Variants in CHST4 observed in about 807,000 individuals in gnomAD.
CHST4 encodes the protein GST-3.
For synonymous variants in CHST4, 171 were observed against 195.5 expected (o/e 0.87, Z 1.05); for missense variants, 466 against 506.0 (o/e 0.92, Z 0.76).
chr16:71,527,022 GT>G (rs112644237), intron 1 of CHST4, among the ~76,000 whole-genome samples: 4 of 152,152 alleles, frequency 2.6e-5, no homozygotes, highest in African/African-American at 9.7e-5. Flanking sequence ...TTAAAGTTTA[GT>G]TTATTTATTC....
chr16:71,532,239 G>A (rs2043954395), intron 1 of CHST4, among the ~76,000 whole-genome samples: 2 of 151,998 alleles, frequency 1.3e-5, no homozygotes, highest in Admixed American at 1.3e-4. Flanking sequence ...AGTAGAGACG[G>A]GGTTTCACCG....
In CHST4 at chr16:71,536,978, GTCT is replaced by G; in HGVS notation, c.306_308del (p.Phe102del). ...GGCTGTGCGGGATCTGATACGGGCC[GTCT>G]TCTTGTGCGACATGAGCGTCTTTGA... On this transcript the variant is annotated inframe_deletion, in exon 2 of 2. Coordinates refer to ENST00000539698, the MANE Select transcript of CHST4 (RefSeq NM_001166395.2). 1 of 1,613,952 alleles carries G rather than the reference GTCT, an allele frequency of 6.2e-7. No homozygotes were observed. Among genetic ancestry groups the G allele is most frequent in the Non-Finnish European group, 8.5e-7 (1 of 1,179,910 alleles).
At chr16:71,534,679 T>C (rs182627787) in intron 1 of CHST4, among the ~76,000 whole-genome samples, 33 of 152,136 alleles carry the variant, frequency 2.2e-4, no homozygotes, top group African/African-American at 6.0e-4. Context: ...TTCAAGACCT[T>C]GTCTCTGCAA....
At position 71,537,317 on chromosome 16, in the gene CHST4, C is replaced by T. The variant is rs144131102; in HGVS notation, c.640C>T (p.Arg214Ter). The T allele has an allele frequency of 3.3e-5, 53 of 1,614,202 alleles. No homozygotes were observed. The African/African-American group carries it at 4.9e-4, about 15-fold the overall frequency. ...VRDPRAVFRSRERTKGDLMID... is the reference protein window; with the variant it reads ...VRDPRAVFRS ...GGACCCCCGGGCCGTGTTCCGTTCC[C>T]GAGAACGCACAAAGGGAGATCTCAT... The change falls in exon 2 of 2, where the codon CGA becomes TGA. Residue 214 changes from arginine to a stop codon, truncating the protein, a stop_gained. Coordinates refer to ENST00000539698, the MANE Select transcript of CHST4 (RefSeq NM_001166395.2). LOFTEE classifies it low-confidence loss of function (END_TRUNC). The surrounding 1 kb of genome is among the most constrained non-coding windows in gnomAD (Gnocchi z 4.2).
Position 71,537,697 on chromosome 16 carries a change from T to G in CHST4, c.1020T>G (p.Tyr340Ter), listed in dbSNP as rs768219275. 1.9e-6 allele frequency: 3 copies of G among 1,614,218 alleles called. No individual in the cohort carries two copies. In the South Asian group the frequency reaches 3.3e-5, roughly 18 times the overall value. ...VSQAWRWSLP[Y>*]EKVSRLQKAC... is the part of the protein sequence containing the mutation. ...AGGCTTGGCGCTGGTCTTTGCCCTA[T>G]GAAAAGGTTTCTCGACTTCAGAAAG... The change falls in exon 2 of 2, where the codon TAT (tyrosine) becomes TAG (stop). Residue 340 changes from tyrosine to a stop codon, truncating the protein, a stop_gained. Coordinates refer to ENST00000539698, the MANE Select transcript of CHST4 (RefSeq NM_001166395.2). LOFTEE classifies it low-confidence loss of function (END_TRUNC). The surrounding 1 kb of genome is among the most constrained non-coding windows in gnomAD (Gnocchi z 4.2).
rs201326146 is a variant in CHST4 at position 71,536,924 on chromosome 16, A to T, written c.247A>T (p.Lys83Ter). The T allele has an allele frequency of 1.7e-5, 28 of 1,610,772 alleles. No individual in the cohort carries two copies. In the African/African-American group the frequency reaches 2.9e-4, roughly 17 times the overall value. Reference protein sequence around the residue: ...EPAWHVWMTFKQSTAWMLHMA... With the variant: ...EPAWHVWMTF ...CGCCTGGCACGTGTGGATGACCTTC[A>T]AGCAGAGCACCGCCTGGATGCTGCA... Residue 83 changes from lysine (K) to a stop codon, truncating the protein, a stop_gained, in exon 2 of 2, where the codon AAG (lysine) becomes TAG (stop). Coordinates refer to ENST00000539698, the MANE Select transcript of CHST4 (RefSeq NM_001166395.2). LOFTEE classifies it low-confidence loss of function (END_TRUNC).
In CHST4 at chr16:71,537,491, C is replaced by G. The variant is rs368085360; in HGVS notation, c.814C>G (p.Leu272Val). Residue 272 changes from leucine (L) to valine (V), a missense_variant, in exon 2 of 2, where the codon CTG becomes GTG. By Grantham distance (32) the Leu-to-Val change is conservative. Coordinates refer to ENST00000539698, the MANE Select transcript of CHST4 (RefSeq NM_001166395.2). This position sits in a 1 kb window ranked among gnomAD's most constrained non-coding sequence, Gnocchi z 4.2. ...GCCCAAGGCCCTGCAGGAACGCTAC[C>G]TGCTTGTGCGCTATGAGGACCTGGC... ...SLPKALQERY[L>V]LVRYEDLARA... 29 of 1,614,114 alleles carry G rather than the reference C, an allele frequency of 1.8e-5. No individual in the cohort carries two copies. Among genetic ancestry groups the G allele is most frequent in the East Asian group, 8.9e-5 (4 of 44,892 alleles).
Position 71,537,375 on chromosome 16 carries a change from A to C in CHST4, c.698A>C (p.Glu233Ala), listed in dbSNP as rs757316389. The C allele has an allele frequency of 1.1e-5, 17 of 1,614,016 alleles. No individual in the cohort carries two copies. The highest frequency in any genetic ancestry group is 4.4e-5 in the South Asian group (4 of 91,080). The change falls in exon 2 of 2, where the codon GAG becomes GCG. Residue 233 changes from glutamate to alanine, a missense_variant. Glu to Ala is a moderately radical substitution (Grantham distance 107). Coordinates refer to ENST00000539698, the MANE Select transcript of CHST4 (RefSeq NM_001166395.2). The surrounding 1 kb of genome is among the most constrained non-coding windows in gnomAD (Gnocchi z 4.2). The stretch of plus-strand genomic sequence containing the variant: ...AGTCGCATTGTGATGGGGCAGCATG[A>C]GCAAAAACTCAAGAAGGAGGACCAA... ...IDSRIVMGQH[E>A]QKLKKEDQPY...
intron 1 of CHST4, among the ~76,000 whole-genome samples, chr16:71,536,134 A>G (rs2043986287): frequency 6.6e-6 from 1 of 152,106 alleles, no homozygotes. Flanking sequence ...GCAGTGAGGG[A>G]GGGAGATGAG....
Position 71,533,206 on chromosome 16 carries a change from C to T in CHST4, c.-18-3454C>T, listed in dbSNP as rs866132552. Among the ~76,000 whole-genome samples the T allele has an allele frequency of 3.2e-4, 48 of 152,116 alleles. No homozygotes were observed. The Middle Eastern group carries it at 0.021, about 65-fold the overall frequency. On this transcript the variant is annotated intron_variant, in intron 1 of 1. Transcript: ENST00000539698. ...TTGGGAGGCTGAGGCGGGCAGACAA[C>T]TTGAGGTCAGGAGTTCGAGACCAGC...
intron 1 of CHST4, among the ~76,000 whole-genome samples, chr16:71,528,052 G>A (rs1019837371): frequency 1.3e-5 from 2 of 152,022 alleles, no homozygotes; most frequent in African/African-American, 2.4e-5. Flanking sequence ...AGGAGACTGA[G>A]GTCACTTGAG....
At chr16:71,526,181 G>A (rs1371204316), upstream of CHST4, 1 of 152,140 alleles carries the variant, frequency 6.6e-6, no homozygotes, top group Non-Finnish European at 1.5e-5. Flanking sequence ...CAGTCTGGGG[G>A]AAAATGCTTC....
At chr16:71,535,773 G>A (rs2043982628) in intron 1 of CHST4, among the ~76,000 whole-genome samples, 1 of 152,104 alleles carries the variant, frequency 6.6e-6, no homozygotes, top group Non-Finnish European at 1.5e-5. Context: ...GACACTAATA[G>A]CTCAAATAAC....
chr16:71,537,801 T>G lies in CHST4; in HGVS notation c.1124T>G (p.Leu375Arg). 6.2e-7 allele frequency: 1 copy of G among 1,614,020 alleles called. No individual in the cohort carries two copies. ...GAACAGAGAAACCTGTTGCTGGATC[T>G]TCTGTCTACCTGGACTGTCCCTGAG... ...EQEQRNLLLDLLSTWTVPEQI... is the reference protein window; with the variant it reads ...EQEQRNLLLDRLSTWTVPEQI... The change falls in exon 2 of 2, where the codon CTT becomes CGT. Residue 375 changes from leucine (L) to arginine (R), a missense_variant. Physicochemically the swap from Leu to Arg is moderately radical, Grantham distance 102. Coordinates refer to ENST00000539698, the MANE Select transcript of CHST4 (RefSeq NM_001166395.2). The surrounding 1 kb of genome is among the most constrained non-coding windows in gnomAD (Gnocchi z 4.2).
At chr16:71,531,482 G>A (rs1386065490) in intron 1 of CHST4, among the ~76,000 whole-genome samples, 1 of 152,160 alleles carries the variant, frequency 6.6e-6, no homozygotes, top group Admixed American at 6.5e-5. Context: ...AGTGCTCACA[G>A]AAAGAAAAAG....
intron 1 of CHST4, among the ~76,000 whole-genome samples, chr16:71,533,827 A>G (rs1336262028): frequency 6.6e-6 from 1 of 151,318 alleles, no homozygotes; most frequent in Non-Finnish European, 1.5e-5. Context: ...GCGGATCACA[A>G]GGTCAGGAGA....
chr16:71,534,489 C>T (rs1567582336), intron 1 of CHST4, among the ~76,000 whole-genome samples: 1 of 151,648 alleles, frequency 6.6e-6, no homozygotes, highest in Non-Finnish European at 1.5e-5. Flanking sequence ...TCCCACGTAG[C>T]TGGGATTACA....
intron 1 of CHST4, chr16:71,536,445 T>C: frequency 2.6e-6 from 1 of 386,504 alleles, no homozygotes; most frequent in Non-Finnish European, 4.6e-6. Context: ...AAGGAGGAAT[T>C]AAAGACCCTG....
At chr16:71,529,214 A>T (rs1243250993) in intron 1 of CHST4, among the ~76,000 whole-genome samples, 4 of 151,382 alleles carry the variant, frequency 2.6e-5, no homozygotes, top group African/African-American at 9.7e-5. Flanking sequence ...GTTTTCTAAA[A>T]CTAATTTTCA....
Sources: gnomAD v4.1 joint callset for allele counts (sites outside exome capture counted in the v4.1 genomes callset) on GRCh38, gnomAD v4.1.1 for gene constraint, Gnocchi (gnomAD v3.1) non-coding constraint, MANE v1.5 for transcripts, NCBI Gene and HGNC (gene_info 2026-07-23, HGNC 2026-07-21) for gene names.